Variants in PTK2B observed in about 807,000 individuals in gnomAD.
PTK2B encodes the protein protein tyrosine kinase 2 beta.
In PTK2B, 71 loss-of-function variants were observed where a neutral mutation model predicts 142.9. The ratio of observed to expected loss-of-function variants is 0.50; its 90% CI spans 0.41 to 0.61. The LOEUF is 0.61. PTK2B is among the 20% of genes least tolerant of loss of function. The pLI is 0.00. For missense variants in PTK2B, 1,105 were observed against 1,320.4 expected, an observed-to-expected ratio of 0.84 and a Z score of 2.53; for synonymous variants, 519 against 503.4, an observed-to-expected ratio of 1.03 and a Z score of -0.42.
At chr8:27,419,581 T>G (rs886360677) in intron 2 of PTK2B, among the ~76,000 whole-genome samples, 12 of 152,332 alleles carry the variant, frequency 7.9e-5, no homozygotes, top group African/African-American at 2.9e-4. Flanking sequence ...ATAGTGGATG[T>G]TCCGTAATTA....
intron 1 of PTK2B, among the ~76,000 whole-genome samples, chr8:27,384,649 A>T (rs1027929309): frequency 3.9e-5 from 6 of 152,236 alleles, no homozygotes; most frequent in African/African-American, 1.4e-4. Flanking sequence ...AACTTGCTAT[A>T]CAGCTCAAAT....
chr8:27,424,993 C>T lies in PTK2B; in HGVS notation c.551+2610C>T, dbSNP rs370964324. ...GTTTCCTGTGTTACTCTGGGCAAGTCGATTACCCGCTCTCTGCCCAGATTC... is the reference window on the plus strand; with the variant it reads ...GTTTCCTGTGTTACTCTGGGCAAGTTGATTACCCGCTCTCTGCCCAGATTC... On this transcript the variant is annotated intron_variant, in intron 5 of 30. Coordinates refer to ENST00000346049, the MANE Select transcript of PTK2B (RefSeq NM_173176.3). 2.0e-5 allele frequency among the ~76,000 whole-genome samples: 3 copies of T among 152,044 alleles called. No homozygotes were observed. In the East Asian group the frequency reaches 5.8e-4, roughly 29 times the overall value.
chr8:27,347,250 T>C (rs555201805), intron 1 of PTK2B, among the ~76,000 whole-genome samples: 4 of 149,824 alleles, frequency 2.7e-5, no homozygotes, highest in Non-Finnish European at 5.9e-5. Flanking sequence ...CATGGTGGCA[T>C]GCGCCTGTAA....
intron 1 of PTK2B, among the ~76,000 whole-genome samples, chr8:27,347,887 T>C (rs931521688): frequency 6.6e-6 from 1 of 152,204 alleles, no homozygotes; most frequent in Non-Finnish European, 1.5e-5. Flanking sequence ...CCTCCCCTGC[T>C]TCTCTTTCAA....
At chr8:27,361,099 T>G (rs1472570482) in intron 1 of PTK2B, among the ~76,000 whole-genome samples, 1 of 152,200 alleles carries the variant, frequency 6.6e-6, no homozygotes, top group African/African-American at 2.4e-5. Context: ...ATTAAATAAT[T>G]TCCTATCCCT....
chr8:27,327,785 T>G (rs1276940510), intron 1 of PTK2B, among the ~76,000 whole-genome samples: 1 of 152,222 alleles, frequency 6.6e-6, no homozygotes, highest in Non-Finnish European at 1.5e-5. Flanking sequence ...CCGGTGAGCT[T>G]CTCTGACCCT....
At chr8:27,375,490 C>T (rs1376601535) in intron 1 of PTK2B, among the ~76,000 whole-genome samples, 1 of 152,118 alleles carries the variant, frequency 6.6e-6, no homozygotes, top group East Asian at 1.9e-4. Flanking sequence ...ATCCCTTTGC[C>T]CCACCCACTA....
At chr8:27,458,259 G>A (rs750969261) in intron 30 of PTK2B, 35 bp from the exon 31 acceptor site, 10 of 1,591,204 alleles carry the variant, frequency 6.3e-6, no homozygotes, top group Non-Finnish European at 6.9e-6. Flanking sequence ...CAGACTTTGT[G>A]GCCTCTCAAC....
chr8:27,361,591 T>C (rs1357707005), intron 1 of PTK2B, among the ~76,000 whole-genome samples: 1 of 152,070 alleles, frequency 6.6e-6, no homozygotes, highest in East Asian at 1.9e-4. Flanking sequence ...GCCCCAGCTC[T>C]CCCTCTGACT....
intron 3 of PTK2B, among the ~76,000 whole-genome samples, chr8:27,318,986 C>T (rs889265678): frequency 2.0e-5 from 3 of 152,100 alleles, no homozygotes; most frequent in African/African-American, 7.2e-5. Flanking sequence ...ATTAAAAATG[C>T]TCTTCAGTGT....
At chr8:27,431,246 AGG>A (rs1810399483) in intron 8 of PTK2B, 150 bp from the exon 9 acceptor site, 7 of 1,519,954 alleles carry the variant, frequency 4.6e-6, no homozygotes, top group Non-Finnish European at 6.2e-6. Flanking sequence ...AGGTGTCAGG[AGG>A]GGAAGATCCA....
chr8:27,424,653 G>A (rs1022229098), intron 5 of PTK2B, among the ~76,000 whole-genome samples: 2 of 152,166 alleles, frequency 1.3e-5, no homozygotes, highest in Non-Finnish European at 2.9e-5. Flanking sequence ...TATTTGTTAT[G>A]ATGAGCCATT....
At chr8:27,436,403 CAG>C in intron 15 of PTK2B, 55 bp downstream of exon 15, 1 of 1,532,364 alleles carries the variant, frequency 6.5e-7, no homozygotes, top group Non-Finnish European at 9.0e-7. Flanking sequence ...TAGGGTGAGA[CAG>C]AGCTCGAATC....
Position 27,459,284 on chromosome 8 carries a change from C to T in PTK2B, c.*775C>T, listed in dbSNP as rs1192278595. 2 of 233,640 alleles carry T rather than the reference C, an allele frequency of 8.6e-6. No individual in the cohort carries two copies. The highest frequency in any genetic ancestry group is 1.7e-5 in the Non-Finnish European group (2 of 118,412). 14.5% of individuals were successfully genotyped at this position (233,640 alleles called of 1,614,324 possible). A position where few individuals can be genotyped will look rare whatever the true frequency, so the allele number is the denominator to read the frequency against. On this transcript the variant is annotated 3_prime_UTR_variant, in exon 31 of 31. Transcript: ENST00000346049. ...TTACTCCTCCTCTTTCTCTCCCCAA[C>T]CCCCATTCTCATCTGCACCCTTCTT...
intron 2 of PTK2B, among the ~76,000 whole-genome samples, chr8:27,403,145 A>G (rs558423111): frequency 2.0e-5 from 3 of 152,024 alleles, no homozygotes; most frequent in Admixed American, 6.6e-5. Flanking sequence ...GGAGTTTTCT[A>G]CTTCCATCTT....
At chr8:27,430,263 T>C in intron 6 of PTK2B, 101 bp from the exon 7 acceptor site, 1 of 1,584,532 alleles carries the variant, frequency 6.3e-7, no homozygotes, top group South Asian at 1.1e-5. Context: ...CATAGGGCCG[T>C]CTCTAGGTCC....
intron 1 of PTK2B, among the ~76,000 whole-genome samples, chr8:27,330,466 A>G (rs1803679546): frequency 6.6e-6 from 1 of 152,206 alleles, no homozygotes; most frequent in Non-Finnish European, 1.5e-5. Flanking sequence ...GCCAGCCCTC[A>G]TTAACTCTTT....
intron 20 of PTK2B, 113 bp downstream of exon 20, chr8:27,439,511 G>T: frequency 8.4e-7 from 1 of 1,192,124 alleles, no homozygotes; most frequent in South Asian, 1.3e-5. Flanking sequence ...CGTTCCCAGG[G>T]TTCTATTTTG....
chr8:27,457,215 C>A (rs539264467), intron 30 of PTK2B, among the ~76,000 whole-genome samples: 33 of 152,326 alleles, frequency 2.2e-4, no homozygotes, highest in African/African-American at 7.9e-4. Flanking sequence ...GGCTGACTCT[C>A]TTGTTAGGGG....
Sources: allele counts gnomAD v4.1 joint callset (sites outside exome capture counted in the v4.1 genomes callset), GRCh38; gene constraint gnomAD v4.1.1; transcripts MANE v1.5; gene names NCBI Gene and HGNC (gene_info 2026-07-23, HGNC 2026-07-21).